HS3ST5: variants seen among roughly 807,000 people sequenced by gnomAD.
HS3ST5 encodes the protein heparan sulfate glucosamine 3-O-sulfotransferase 5.
Under a neutral mutation model 25.4 loss-of-function variants are expected in HS3ST5, and 10 were observed. The observed-to-expected ratio is 0.39, with a 90% CI of 0.24 to 0.67. The LOEUF is 0.67. Ranked by LOEUF, HS3ST5 falls within the 30% of genes least tolerant of loss-of-function variation. The pLI is 0.44. For synonymous variants in HS3ST5, 170 were observed against 162.4 expected (o/e 1.05, Z -0.36); for missense variants, 324 against 420.7 (o/e 0.77, Z 2.01).
intron 3 of HS3ST5, among the ~76,000 whole-genome samples, chr6:114,108,303 A>G (rs1000799498): frequency 6.6e-6 from 1 of 152,176 alleles, no homozygotes; most frequent in Admixed American, 6.5e-5. Flanking sequence ...CCCCTCTGCC[A>G]CCGCCTCAAT....
intron 3 of HS3ST5, among the ~76,000 whole-genome samples, chr6:114,099,428 T>G (rs1216556551): frequency 6.6e-6 from 1 of 152,160 alleles, no homozygotes; most frequent in Non-Finnish European, 1.5e-5. Context: ...TCATAGTAAT[T>G]CCTATTCCCT....
chr6:114,114,293 G>A (rs936271408), intron 3 of HS3ST5, among the ~76,000 whole-genome samples: 5 of 152,062 alleles, frequency 3.3e-5, no homozygotes, highest in Admixed American at 2.0e-4. Context: ...TCCATGCCTA[G>A]CAATGCACTC....
At chr6:114,148,357 G>A (rs13199918) in intron 3 of HS3ST5, among the ~76,000 whole-genome samples, 56,857 of 152,052 alleles carry the variant, frequency 0.37, 10,926 homozygotes, top group South Asian at 0.52. Context: ...AGTGGCTTAT[G>A]CCTGTAATCC....
intron 1 of HS3ST5, among the ~76,000 whole-genome samples, chr6:114,313,210 A>T: frequency 6.6e-6 from 1 of 152,148 alleles, no homozygotes; most frequent in East Asian, 1.9e-4. Flanking sequence ...CAATACCAAG[A>T]TATTGGAGAT....
intron 1 of HS3ST5, among the ~76,000 whole-genome samples, chr6:114,308,978 G>A (rs1281806666): frequency 6.6e-6 from 1 of 152,148 alleles, no homozygotes; most frequent in African/African-American, 2.4e-5. Flanking sequence ...CGGCAACTAG[G>A]AGGCAAAAAT....
chr6:114,160,336 C>G (rs1232925891), intron 3 of HS3ST5, among the ~76,000 whole-genome samples: 1 of 146,756 alleles, frequency 6.8e-6, no homozygotes, highest in African/African-American at 2.7e-5. Context: ...AAAAAAAAAT[C>G]TCTATCAAAG....
At chr6:114,147,262 C>A (rs764245661) in intron 3 of HS3ST5, among the ~76,000 whole-genome samples, 1 of 152,170 alleles carries the variant, frequency 6.6e-6, no homozygotes, top group African/African-American at 2.4e-5. Flanking sequence ...GGTACGAACT[C>A]AGATGAGGAT....
intron 3 of HS3ST5, among the ~76,000 whole-genome samples, chr6:114,065,112 G>A (rs1232547048): frequency 6.6e-6 from 1 of 152,210 alleles, no homozygotes; most frequent in Non-Finnish European, 1.5e-5. Context: ...GAGGTTTCTT[G>A]AGGCTTACTG....
intron 1 of HS3ST5, among the ~76,000 whole-genome samples, chr6:114,296,624 C>A (rs1042642031): frequency 2.6e-5 from 4 of 152,146 alleles, no homozygotes; most frequent in African/African-American, 9.6e-5. Context: ...AAAATTCACA[C>A]CCTGTAGGAT....
chr6:114,241,420 T>A (rs1462551814), intron 1 of HS3ST5, among the ~76,000 whole-genome samples: 1 of 152,182 alleles, frequency 6.6e-6, no homozygotes, highest in African/African-American at 2.4e-5. Flanking sequence ...AGCAATGTTC[T>A]CCCTTTTATC....
intron 1 of HS3ST5, among the ~76,000 whole-genome samples, chr6:114,332,040 G>A (rs572576650): frequency 6.6e-5 from 10 of 152,116 alleles, no homozygotes; most frequent in African/African-American, 2.4e-4. Flanking sequence ...TGAGCTCATG[G>A]ACTATTACAG....
At chr6:114,069,306 C>T (rs886199183) in intron 3 of HS3ST5, among the ~76,000 whole-genome samples, 3 of 151,796 alleles carry the variant, frequency 2.0e-5, no homozygotes, top group African/African-American at 7.3e-5. Flanking sequence ...TTCATATGTT[C>T]ATATGTTCAT....
intron 2 of HS3ST5, among the ~76,000 whole-genome samples, chr6:114,184,253 A>T (rs1780108813): frequency 6.6e-6 from 1 of 151,650 alleles, no homozygotes; most frequent in Admixed American, 6.6e-5. Context: ...CTTATAGTAA[A>T]ATGTAATAGA....
intron 3 of HS3ST5, among the ~76,000 whole-genome samples, chr6:114,138,224 G>A (rs1777729328): frequency 6.6e-6 from 1 of 152,144 alleles, no homozygotes; most frequent in Admixed American, 6.5e-5. Flanking sequence ...TCTAGGTGCT[G>A]GGAAAAGGAC....
intron 3 of HS3ST5, among the ~76,000 whole-genome samples, chr6:114,082,955 C>T (rs1467566344): frequency 2.0e-5 from 3 of 152,230 alleles, no homozygotes; most frequent in Non-Finnish European, 2.9e-5. Flanking sequence ...CCCTTCCCCT[C>T]CCTTGTCCAA....
chr6:114,214,436 T>A (rs749940813), intron 2 of HS3ST5, among the ~76,000 whole-genome samples: 1 of 152,216 alleles, frequency 6.6e-6, no homozygotes, highest in African/African-American at 2.4e-5. Context: ...TACTCTTTCA[T>A]GACCTTGACA....
chr6:114,121,989 A>T (rs1776810898), intron 3 of HS3ST5, among the ~76,000 whole-genome samples: 1 of 152,224 alleles, frequency 6.6e-6, no homozygotes, highest in African/African-American at 2.4e-5. Context: ...GCTAGATGCC[A>T]GGCGCTGCTA....
intron 2 of HS3ST5, among the ~76,000 whole-genome samples, chr6:114,198,608 A>G (rs1434739451): frequency 6.6e-6 from 1 of 152,216 alleles, no homozygotes; most frequent in Non-Finnish European, 1.5e-5. Context: ...AAAGTGATTC[A>G]CCAGGTTGTA....
intron 2 of HS3ST5, among the ~76,000 whole-genome samples, chr6:114,220,496 C>T (rs955769426): frequency 6.6e-6 from 1 of 151,954 alleles, no homozygotes; most frequent in Non-Finnish European, 1.5e-5. Context: ...CTCGGAGGAA[C>T]CCAGGGCACA....
Sources: allele counts gnomAD v4.1 joint callset (sites outside exome capture counted in the v4.1 genomes callset), GRCh38; gene constraint gnomAD v4.1.1; transcripts MANE v1.5; gene names NCBI Gene and HGNC (gene_info 2026-07-23, HGNC 2026-07-21).